NOL4: variants seen among roughly 807,000 people sequenced by gnomAD.
NOL4 encodes the protein cancer/testis antigen 125.
NOL4 carries 17 observed loss-of-function variants against 75.9 expected under a neutral mutation model. The ratio of observed to expected loss-of-function variants is 0.22; its 90% confidence interval spans 0.15 to 0.34. The LOEUF is 0.34. Ranked by LOEUF, NOL4 falls within the 10% of genes least tolerant of loss-of-function variation. The pLI, the probability that NOL4 is intolerant of heterozygous loss-of-function variation, is 1.00. For synonymous variants in NOL4, 292 were observed against 289.9 expected, an observed-to-expected ratio of 1.01 and a Z score of -0.07; for missense variants, 614 against 793.5, an observed-to-expected ratio of 0.77 and a Z score of 2.72.
intron 8 of NOL4, among the ~76,000 whole-genome samples, chr18:33,949,764 A>T (rs1489534130): frequency 6.6e-6 from 1 of 152,078 alleles, no homozygotes; most frequent in Non-Finnish European, 1.5e-5. Flanking sequence ...TGAATTAATG[A>T]TCTATGTCTT....
intron 6 of NOL4, among the ~76,000 whole-genome samples, chr18:34,011,490 G>A (rs2074369504): frequency 6.6e-6 from 1 of 151,492 alleles, no homozygotes; most frequent in African/African-American, 2.4e-5. Flanking sequence ...AATCACTTCT[G>A]AGTATTTAAA....
At chr18:33,855,000 C>G (rs1425233909) in intron 10 of NOL4, among the ~76,000 whole-genome samples, 1 of 152,014 alleles carries the variant, frequency 6.6e-6, no homozygotes, top group Non-Finnish European at 1.5e-5. Flanking sequence ...AGAGAAAGCT[C>G]TGCCATTTAG....
At chr18:34,139,255 C>G (rs572585200) in intron 1 of NOL4, among the ~76,000 whole-genome samples, 1 of 152,152 alleles carries the variant, frequency 6.6e-6, no homozygotes, top group African/African-American at 2.4e-5. Context: ...AGGAATGGTA[C>G]CAGCTCCTCC....
intron 2 of NOL4, among the ~76,000 whole-genome samples, chr18:34,112,933 AT>A (rs764078492): frequency 3.9e-5 from 6 of 152,172 alleles, no homozygotes; most frequent in Non-Finnish European, 7.3e-5. Context: ...TAATTTCACA[AT>A]GTATATGTGT....
rs531706966 is a variant in NOL4, at chr18:34,216,652, T to C, written c.264+6338A>G. Among the ~76,000 whole-genome samples, 176 of 144,264 alleles carry C rather than the reference T, an allele frequency of 1.2e-3. 1 individual carries two copies. Among genetic ancestry groups the C allele is most frequent in the African/African-American group, 4.4e-3 (171 of 39,138 alleles). The allele number at this position is 144,264 out of a possible 152,430, so 94.6% of individuals were successfully genotyped here. Reference sequence around the variant, plus strand: ...ATTATAATATATAATAAGTATAATATAATAAGTGAAATGAAATGTAAACCA... The same window carrying C: ...ATTATAATATATAATAAGTATAATACAATAAGTGAAATGAAATGTAAACCA... On this transcript the variant is annotated intron_variant, in intron 1 of 10. Transcript: ENST00000261592.
intron 5 of NOL4, among the ~76,000 whole-genome samples, chr18:34,056,513 C>T (rs982721572): frequency 6.6e-6 from 1 of 152,142 alleles, no homozygotes; most frequent in Non-Finnish European, 1.5e-5. Context: ...CCGCTTGCCT[C>T]TTTTTTCAGT....
chr18:34,153,517 G>A (rs1362215575), intron 1 of NOL4, among the ~76,000 whole-genome samples: 1 of 151,918 alleles, frequency 6.6e-6, no homozygotes, highest in East Asian at 1.9e-4. Context: ...AGGTAACGAA[G>A]CTGAGACTCA....
intron 5 of NOL4, among the ~76,000 whole-genome samples, chr18:34,038,468 A>G (rs550240022): frequency 6.6e-6 from 1 of 152,206 alleles, no homozygotes; most frequent in South Asian, 2.1e-4. Flanking sequence ...AAAATAGCAA[A>G]AATATGGAAT....
At chr18:34,012,872 T>G (rs1010047300) in intron 6 of NOL4, among the ~76,000 whole-genome samples, 1 of 152,018 alleles carries the variant, frequency 6.6e-6, no homozygotes, top group African/African-American at 2.4e-5. Flanking sequence ...ATAGCTTGCC[T>G]GTCATAGTCA....
rs1215074353 is a variant in NOL4, at chr18:33,902,697, G to A, written c.1543-19273C>T. ...TGACTTTGAGTCCTTTTTTCATCAA[G>A]TTTGACTTCCAGGTTATCTAAATGA... On this transcript the variant is annotated intron_variant, in intron 9 of 10. Transcript: ENST00000261592. 2.6e-5 allele frequency among the ~76,000 whole-genome samples: 4 copies of A among 152,142 alleles called. No homozygotes were observed. The South Asian group carries it at 6.2e-4, about 24-fold the overall frequency.
chr18:33,883,244 C>A lies in NOL4; in HGVS notation c.1723G>T (p.Gly575Ter). 2 of 1,577,744 alleles carry A rather than the reference C, an allele frequency of 1.3e-6. No individual in the cohort carries two copies. Among genetic ancestry groups the A allele is most frequent in the South Asian group, 1.2e-5 (1 of 84,488 alleles). ...LLNLNDASSS[G>*]PTDLSMKRQL... ...AACACAATCTATGATAAATACTCAC[C>A]ACTGCTGGAAGCATCATTCAGATTT... The change falls in exon 10 of 11, where the codon GGA becomes TGA. Residue 575 changes from glycine to a stop codon, truncating the protein, a stop_gained and splice_region_variant. Coordinates refer to ENST00000261592, the MANE Select transcript of NOL4 (RefSeq NM_003787.5). LOFTEE classifies it high-confidence loss of function.
intron 1 of NOL4, among the ~76,000 whole-genome samples, chr18:34,186,845 A>T (rs1316590093): frequency 6.6e-6 from 1 of 152,206 alleles, no homozygotes; most frequent in African/African-American, 2.4e-5. Flanking sequence ...AACAACAACA[A>T]CAACTTTATT....
At chr18:34,106,906 T>C (rs2079313483) in intron 2 of NOL4, among the ~76,000 whole-genome samples, 1 of 152,134 alleles carries the variant, frequency 6.6e-6, no homozygotes, top group Non-Finnish European at 1.5e-5. Flanking sequence ...TATCGAGTTA[T>C]AGTCCATTAG....
intron 6 of NOL4, among the ~76,000 whole-genome samples, chr18:33,987,632 G>C (rs2072564636): frequency 1.3e-5 from 2 of 152,118 alleles, no homozygotes. Flanking sequence ...AAGTATCAGT[G>C]TTCTCATTTT....
At chr18:34,010,409 C>T (rs2074303894) in intron 6 of NOL4, among the ~76,000 whole-genome samples, 1 of 151,850 alleles carries the variant, frequency 6.6e-6, no homozygotes, top group East Asian at 1.9e-4. Context: ...CACTGATAGA[C>T]ACTTCGGTTG....
chr18:33,943,058 T>G lies in NOL4; in HGVS notation c.1542+7A>C, dbSNP rs2068601878. On this transcript the variant is annotated splice_region_variant and intron_variant, in intron 9 of 10. Transcript: ENST00000261592. ...GGTGTTCACCAGACTTCAAGATGCC[T>G]CAGTACCTGCTGTCTCTCCAGACGC... The G allele has an allele frequency of 1.9e-6, 3 of 1,596,204 alleles. No individual in the cohort carries two copies. Among genetic ancestry groups the G allele is most frequent in the Middle Eastern group, 1.7e-4 (1 of 6,016 alleles).
In NOL4 at chr18:33,965,820, G is replaced by A. The variant is rs189328483; in HGVS notation, c.1057-7402C>T. On this transcript the variant is annotated intron_variant, in intron 6 of 10. Coordinates refer to ENST00000261592, the MANE Select transcript of NOL4 (RefSeq NM_003787.5). ...TTTCCTTTATGAATTACCCAGTCTTGGGTACGTCTTTATTAGCAGCATAAG... is the reference window on the plus strand; with the variant it reads ...TTTCCTTTATGAATTACCCAGTCTTAGGTACGTCTTTATTAGCAGCATAAG... Among the ~76,000 whole-genome samples, 458 of 152,048 alleles carry A rather than the reference G, an allele frequency of 3.0e-3. 1 individual carries two copies. The highest frequency in any genetic ancestry group is 8.1e-3 in the Admixed American group (124 of 15,276).
intron 1 of NOL4, among the ~76,000 whole-genome samples, chr18:34,160,144 T>C (rs1204019992): frequency 6.6e-6 from 1 of 152,122 alleles, no homozygotes; most frequent in East Asian, 1.9e-4. Context: ...CTTTCCAATA[T>C]ATCAAAAGGA....
chr18:33,937,905 C>T (rs1421889914), intron 9 of NOL4, among the ~76,000 whole-genome samples: 2 of 152,044 alleles, frequency 1.3e-5, no homozygotes, highest in South Asian at 2.1e-4. Context: ...TCCAGGCAAA[C>T]TCTAGATTGC....
Sources: allele counts gnomAD v4.1 joint callset (sites outside exome capture counted in the v4.1 genomes callset), GRCh38; gene constraint gnomAD v4.1.1; transcripts MANE v1.5; gene names NCBI Gene and HGNC (gene_info 2026-07-23, HGNC 2026-07-21).